SOX5: variants seen among roughly 807,000 people sequenced by gnomAD.
The protein encoded by SOX5 is transcription factor SOX-5.
Under a neutral mutation model 92.0 loss-of-function variants are expected in SOX5, and 9 were observed. The ratio of observed to expected loss-of-function variants is 0.10; its 90% CI spans 0.06 to 0.17. The LOEUF is 0.17. Ranked by LOEUF, SOX5 falls within the 10% of genes least tolerant of loss-of-function variation. SOX5 has a pLI of 1.00. For synonymous variants in SOX5, 344 were observed against 336.3 expected (o/e 1.02, Z -0.25); for missense variants, 642 against 944.5 (o/e 0.68, Z 4.20).
intron 2 of SOX5, among the ~76,000 whole-genome samples, chr12:23,894,112 A>C (rs1440180623): frequency 1.3e-5 from 2 of 152,324 alleles, no homozygotes; most frequent in East Asian, 1.9e-4. Flanking sequence ...AAACAGAATT[A>C]ATAATAATAC....
At chr12:23,843,615 G>A (rs2096543348) in intron 3 of SOX5, among the ~76,000 whole-genome samples, 2 of 116,826 alleles carry the variant, frequency 1.7e-5, no homozygotes, top group Admixed American at 2.5e-4. Context: ...CCAGGCTGGT[G>A]TGCAGTGGCC....
intron 6 of SOX5, among the ~76,000 whole-genome samples, chr12:23,726,916 T>C (rs1230439166): frequency 1.3e-5 from 2 of 152,162 alleles, no homozygotes; most frequent in African/African-American, 4.8e-5. Flanking sequence ...ATCTCTCTTC[T>C]TTAGACCACA....
At chr12:23,778,108 T>C (rs1325099773) in intron 3 of SOX5, among the ~76,000 whole-genome samples, 1 of 152,214 alleles carries the variant, frequency 6.6e-6, no homozygotes, top group Non-Finnish European at 1.5e-5. Flanking sequence ...CCTGAGGTAT[T>C]TCCAAATGTA....
intron 1 of SOX5, among the ~76,000 whole-genome samples, chr12:24,551,116 G>T (rs1025787775): frequency 6.6e-6 from 1 of 152,230 alleles, no homozygotes; most frequent in Non-Finnish European, 1.5e-5. Flanking sequence ...TCTCTGGATC[G>T]CATGTCACTC....
At chr12:24,173,893 T>C (rs894867051) in intron 4 of SOX5, among the ~76,000 whole-genome samples, 1 of 152,236 alleles carries the variant, frequency 6.6e-6, no homozygotes, top group African/African-American at 2.4e-5. Context: ...AATGTTTCCC[T>C]GGGAGCAGCA....
chr12:23,946,652 CG>C (rs1437561230), intron 1 of SOX5, among the ~76,000 whole-genome samples: 1 of 151,818 alleles, frequency 6.6e-6, no homozygotes, highest in Admixed American at 6.6e-5. Flanking sequence ...GGGGAGACTT[CG>C]GGCGTTCATT....
At chr12:23,860,457 A>T (rs1485383617) in intron 2 of SOX5, among the ~76,000 whole-genome samples, 2 of 152,208 alleles carry the variant, frequency 1.3e-5, no homozygotes, top group Non-Finnish European at 2.9e-5. Context: ...TGATTATGGT[A>T]TTGACAAAAA....
intron 8 of SOX5, among the ~76,000 whole-genome samples, chr12:23,630,506 C>T (rs1375998939): frequency 4.6e-5 from 7 of 151,888 alleles, no homozygotes; most frequent in African/African-American, 1.4e-4. Context: ...GGAAAGTCTG[C>T]CATGCCCTAA....
intron 3 of SOX5, among the ~76,000 whole-genome samples, chr12:24,264,117 G>A (rs575443549): frequency 1.3e-5 from 2 of 152,212 alleles, no homozygotes; most frequent in South Asian, 2.1e-4. Context: ...ATAAGGGAGA[G>A]GTGAGGGAAT....
intron 1 of SOX5, among the ~76,000 whole-genome samples, chr12:24,461,500 A>G (rs1008384995): frequency 1.3e-5 from 2 of 152,226 alleles, no homozygotes; most frequent in Non-Finnish European, 2.9e-5. Context: ...ATACACACTA[A>G]TGAATTAACT....
At chr12:24,081,675 C>T (rs1569536615) in intron 4 of SOX5, among the ~76,000 whole-genome samples, 1 of 151,936 alleles carries the variant, frequency 6.6e-6, no homozygotes, top group East Asian at 1.9e-4. Flanking sequence ...CTGCACGGAA[C>T]GTCACCCTTT....
intron 9 of SOX5, among the ~76,000 whole-genome samples, chr12:23,581,162 C>A (rs1348264046): frequency 6.6e-6 from 1 of 151,966 alleles, no homozygotes; most frequent in Non-Finnish European, 1.5e-5. Context: ...TTATTTCTCT[C>A]TCCCCACTCC....
chr12:23,735,013 T>C (rs565498497), intron 5 of SOX5, among the ~76,000 whole-genome samples: 1 of 152,300 alleles, frequency 6.6e-6, no homozygotes, highest in African/African-American at 2.4e-5. Context: ...GAAAGAAATG[T>C]CTGTTTTTCG....
chr12:24,252,689 T>TA (rs542347992), intron 3 of SOX5, among the ~76,000 whole-genome samples: 6,946 of 136,818 alleles, frequency 0.051, 192 homozygotes, highest in South Asian at 0.079. Context: ...GTCTATGCTT[T>TA]AAAAAAAAAA....
intron 4 of SOX5, among the ~76,000 whole-genome samples, chr12:23,960,907 A>G (rs1371737696): frequency 6.6e-6 from 1 of 152,060 alleles, no homozygotes; most frequent in Non-Finnish European, 1.5e-5. Flanking sequence ...TGTGAGATTA[A>G]AACTTTTCAC....
intron 4 of SOX5, among the ~76,000 whole-genome samples, chr12:23,995,007 G>T (rs973352097): frequency 5.3e-5 from 8 of 152,196 alleles, no homozygotes; most frequent in African/African-American, 1.9e-4. Flanking sequence ...CTGTGCAAGG[G>T]ATGATTCTGG....
intron 4 of SOX5, among the ~76,000 whole-genome samples, chr12:23,986,932 C>T (rs988242401): frequency 6.6e-6 from 1 of 152,098 alleles, no homozygotes; most frequent in Non-Finnish European, 1.5e-5. Context: ...GTGCTAAAGA[C>T]TCATTTTAAA....
intron 10 of SOX5, among the ~76,000 whole-genome samples, chr12:23,572,563 C>T (rs189801239): frequency 3.6e-4 from 54 of 152,008 alleles, no homozygotes; most frequent in African/African-American, 1.3e-3. Context: ...TTTGGGAATG[C>T]TAAAGAAAAA....
At chr12:23,563,679 C>T (rs939600836) in intron 10 of SOX5, among the ~76,000 whole-genome samples, 5 of 152,050 alleles carry the variant, frequency 3.3e-5, no homozygotes, top group African/African-American at 9.7e-5. Context: ...AAGTTGAAAA[C>T]CTAATTTTTA....
Sources: gnomAD v4.1 joint callset for allele counts (sites outside exome capture counted in the v4.1 genomes callset) on GRCh38, gnomAD v4.1.1 for gene constraint, MANE v1.5 for transcripts, NCBI Gene and HGNC (gene_info 2026-07-23, HGNC 2026-07-21) for gene names.